Variants in LRMDA observed in about 807,000 individuals in gnomAD.
The protein encoded by LRMDA is leucine-rich melanocyte differentiation-associated protein.
In LRMDA, 18 loss-of-function variants were observed where a neutral mutation model predicts 29.8. The ratio of observed to expected loss-of-function variants is 0.60; its 90% CI spans 0.42 to 0.90. The LOEUF is 0.90. Ranked by LOEUF, LRMDA falls within the 40% of genes least tolerant of loss-of-function variation. LRMDA has a pLI of 0.00. For missense variants in LRMDA, 273 were observed against 273.9 expected (o/e 1.00, Z 0.02); for synonymous variants, 125 against 109.4 (o/e 1.14, Z -0.89).
At chr10:75,562,609 A>G (rs1381174409) in intron 2 of LRMDA, among the ~76,000 whole-genome samples, 1 of 152,104 alleles carries the variant, frequency 6.6e-6, no homozygotes, top group Non-Finnish European at 1.5e-5. Flanking sequence ...TAGTTGATGC[A>G]GTTTCTTCCT....
At chr10:76,065,859 C>T (rs141129223) in intron 5 of LRMDA, among the ~76,000 whole-genome samples, 4 of 152,336 alleles carry the variant, frequency 2.6e-5, no homozygotes, top group African/African-American at 9.6e-5. Flanking sequence ...CATGACAATT[C>T]TGGGCCAAGG....
intron 5 of LRMDA, among the ~76,000 whole-genome samples, chr10:76,104,828 G>A (rs1849454261): frequency 6.6e-6 from 1 of 152,008 alleles, no homozygotes; most frequent in Non-Finnish European, 1.5e-5. Flanking sequence ...ATCTCACTGG[G>A]AGGCCTTGCC....
At chr10:75,541,116 A>C (rs567211109) in intron 2 of LRMDA, among the ~76,000 whole-genome samples, 68 of 152,332 alleles carry the variant, frequency 4.5e-4, no homozygotes, top group Non-Finnish European at 2.5e-4. Context: ...CAACCGCAGC[A>C]TTCAAACCCT....
chr10:75,543,754 T>C (rs12776915), intron 2 of LRMDA, among the ~76,000 whole-genome samples: 77,359 of 151,920 alleles, frequency 0.51, 22,250 homozygotes, highest in Non-Finnish European at 0.63. Flanking sequence ...TCAGAACTTT[T>C]GTGCAGCTTT....
In LRMDA at chr10:76,298,606, C is replaced by A. The variant is rs1327146673; in HGVS notation, c.517-25795C>A. On this transcript the variant is annotated intron_variant, in intron 5 of 6. Coordinates refer to ENST00000611255, the MANE Select transcript of LRMDA (RefSeq NM_001305581.2). ...AGGCACCCATGACGTGCCGTGCAACCCTAAGAGGCCTGGGGTAGCCAAAGA... is the reference window on the plus strand; with the variant it reads ...AGGCACCCATGACGTGCCGTGCAACACTAAGAGGCCTGGGGTAGCCAAAGA... Among the ~76,000 whole-genome samples, 3 of 152,258 alleles carry A rather than the reference C, an allele frequency of 2.0e-5. No individual in the cohort carries two copies. In the East Asian group the frequency reaches 5.8e-4, roughly 29 times the overall value.
intron 2 of LRMDA, among the ~76,000 whole-genome samples, chr10:75,618,613 C>T (rs1199674121): frequency 6.7e-6 from 1 of 149,486 alleles, no homozygotes. Context: ...AACTTTGACT[C>T]AAAACCTAAC....
At chr10:76,032,106 T>C (rs545172051) in intron 2 of LRMDA, among the ~76,000 whole-genome samples, 2 of 152,296 alleles carry the variant, frequency 1.3e-5, no homozygotes, top group East Asian at 3.9e-4. Context: ...TGGCTACAAA[T>C]TAGAGGCTCC....
At chr10:75,496,098 A>G (rs937581219) in intron 2 of LRMDA, among the ~76,000 whole-genome samples, 2 of 152,188 alleles carry the variant, frequency 1.3e-5, no homozygotes, top group Non-Finnish European at 2.9e-5. Context: ...GAATGTTTGT[A>G]CCTCTGGGTC....
chr10:75,700,702 A>T (rs995705303), intron 2 of LRMDA, among the ~76,000 whole-genome samples: 1 of 152,146 alleles, frequency 6.6e-6, no homozygotes, highest in African/African-American at 2.4e-5. Flanking sequence ...TATTACCAAG[A>T]TGAGAGGTAA....
intron 2 of LRMDA, among the ~76,000 whole-genome samples, chr10:75,572,425 C>A (rs1179947751): frequency 2.0e-5 from 3 of 151,916 alleles, no homozygotes; most frequent in Non-Finnish European, 4.4e-5. Context: ...TTTCTGGCAC[C>A]CCCGGCAGAT....
At chr10:75,611,315 G>T (rs995605171) in intron 2 of LRMDA, among the ~76,000 whole-genome samples, 9 of 152,082 alleles carry the variant, frequency 5.9e-5, no homozygotes, top group Non-Finnish European at 8.8e-5. Flanking sequence ...GTCCACAGTG[G>T]GTGTGTAGCT....
chr10:76,109,132 C>T (rs56992537), intron 5 of LRMDA, among the ~76,000 whole-genome samples: 3,669 of 152,256 alleles, frequency 0.024, 162 homozygotes, highest in African/African-American at 0.084. Context: ...GCTGTAGGGC[C>T]TTAGAGCACA....
intron 2 of LRMDA, among the ~76,000 whole-genome samples, chr10:75,835,253 G>GCAAC (rs1844413651): frequency 6.6e-6 from 1 of 152,136 alleles, no homozygotes; most frequent in Non-Finnish European, 1.5e-5. Context: ...CCAGTGTCTA[G>GCAAC]CAACCACCTG....
chr10:76,115,421 G>C (rs1449555843), intron 5 of LRMDA, among the ~76,000 whole-genome samples: 1 of 152,184 alleles, frequency 6.6e-6, no homozygotes, highest in African/African-American at 2.4e-5. Flanking sequence ...CAGAGTCGTC[G>C]TCCTCCTCCT....
chr10:76,159,638 C>A (rs1850607967), intron 5 of LRMDA, among the ~76,000 whole-genome samples: 1 of 152,076 alleles, frequency 6.6e-6, no homozygotes, highest in African/African-American at 2.4e-5. Flanking sequence ...ACCAAGAGGT[C>A]CTTCAGTAGG....
intron 2 of LRMDA, among the ~76,000 whole-genome samples, chr10:75,683,313 A>T (rs759770641): frequency 5.3e-5 from 8 of 152,202 alleles, no homozygotes; most frequent in Non-Finnish European, 1.0e-4. Context: ...AGATCGTCTC[A>T]GCGTCAGTTA....
intron 5 of LRMDA, among the ~76,000 whole-genome samples, chr10:76,174,111 G>A (rs1055874993): frequency 2.0e-5 from 3 of 152,140 alleles, no homozygotes; most frequent in Non-Finnish European, 4.4e-5. Context: ...GATTATTGGA[G>A]AGAAACATAC....
intron 2 of LRMDA, among the ~76,000 whole-genome samples, chr10:75,700,498 C>T (rs563920816): frequency 1.9e-4 from 28 of 148,908 alleles, no homozygotes; most frequent in Non-Finnish European, 2.5e-4. Flanking sequence ...TGCAGTGGCG[C>T]GATCTTGGCT....
intron 5 of LRMDA, among the ~76,000 whole-genome samples, chr10:76,116,675 C>G (rs1481036641): frequency 6.6e-6 from 1 of 152,156 alleles, no homozygotes; most frequent in African/African-American, 2.4e-5. Flanking sequence ...TCCTTTTGGG[C>G]AAGCAGCCTT....
Sources: allele counts gnomAD v4.1 joint callset (sites outside exome capture counted in the v4.1 genomes callset), GRCh38; gene constraint gnomAD v4.1.1; transcripts MANE v1.5; gene names NCBI Gene and HGNC (gene_info 2026-07-23, HGNC 2026-07-21).